The following DESI2 variants were observed in gnomAD, a reference collection of about 807,000 sequenced individuals.
DESI2 encodes the protein desumoylating isopeptidase 2.
DESI2 carries 10 observed loss-of-function variants against 24.1 expected under a neutral mutation model. The observed-to-expected ratio is 0.41, with a 90% confidence interval of 0.26 to 0.70. The LOEUF (loss-of-function observed/expected upper bound fraction) is 0.70. Ranked by LOEUF, DESI2 falls within the 30% of genes least tolerant of loss-of-function variation. The pLI is 0.29. For synonymous variants in DESI2, 71 were observed against 87.7 expected (o/e 0.81, Z 1.06); for missense variants, 122 against 234.9 (o/e 0.52, Z 3.14).
In DESI2 at chr1:244,653,225, C is replaced by A; in HGVS notation, c.-89C>A. 7.4e-7 allele frequency: 1 copy of A among 1,359,274 alleles called. No individual in the cohort carries two copies. The highest frequency in any genetic ancestry group is 9.7e-7 in the Non-Finnish European group (1 of 1,031,582). The allele number at this position is 1,359,274 out of a possible 1,614,324, so 84.2% of individuals were successfully genotyped here. ...TGTACGCTTAGTGCCCGGCTCAGGC[C>A]CCCTGAAGCGCCCGCGGGGGTGAGA... is the stretch of plus-strand genomic sequence containing the variant. On this transcript the variant is annotated 5_prime_UTR_variant, in exon 1 of 5. Transcript: ENST00000302550.
chr1:244,673,740 A>G (rs1303459685), intron 1 of DESI2, among the ~76,000 whole-genome samples: 1 of 152,148 alleles, frequency 6.6e-6, no homozygotes, highest in African/African-American at 2.4e-5. Flanking sequence ...GACCATGTCT[A>G]ATAATAAAAA....
chr1:244,690,145 G>A (rs968156935), intron 3 of DESI2, among the ~76,000 whole-genome samples: 5 of 152,126 alleles, frequency 3.3e-5, no homozygotes, highest in African/African-American at 1.2e-4. Flanking sequence ...AGGTATCCAT[G>A]TGTCATGTTG....
Position 244,705,832 on chromosome 1 carries a change from A to AT in DESI2, c.*43_*44insT. The AT allele has an allele frequency of 1.4e-6, 2 of 1,398,168 alleles. No homozygotes were observed. The highest frequency in any genetic ancestry group is 2.0e-6 in the Non-Finnish European group (2 of 1,007,002). 86.6% of individuals were successfully genotyped at this position (1,398,168 alleles called of 1,614,324 possible). ...CATTCAGAACTGTCTCTGGCAGTCG[A>AT]ATATCACTAGAGAAAAGTAAACAGA... On this transcript the variant is annotated 3_prime_UTR_variant, in exon 5 of 5. Transcript: ENST00000302550.
chr1:244,674,648 A>C (rs1005275339), intron 1 of DESI2, among the ~76,000 whole-genome samples: 2 of 152,132 alleles, frequency 1.3e-5, no homozygotes, highest in African/African-American at 4.8e-5. Flanking sequence ...ACCTGGCATA[A>C]TGTTTTCAAG....
At chr1:244,701,811 C>G (rs1677477131) in intron 4 of DESI2, among the ~76,000 whole-genome samples, 1 of 152,114 alleles carries the variant, frequency 6.6e-6, no homozygotes, top group Non-Finnish European at 1.5e-5. Context: ...TTCCTCACTT[C>G]TTTTTTTAGC....
At chr1:244,699,482 T>C (rs1400550743) in intron 4 of DESI2, among the ~76,000 whole-genome samples, 3 of 145,414 alleles carry the variant, frequency 2.1e-5, no homozygotes. Context: ...CTCGGGAGGC[T>C]GAGGCAGGAG....
chr1:244,691,005 C>T (rs1336125169), intron 3 of DESI2, among the ~76,000 whole-genome samples: 1 of 152,306 alleles, frequency 6.6e-6, no homozygotes, highest in African/African-American at 2.4e-5. Context: ...TTTCAGGTTC[C>T]TTGGATGCCT....
At chr1:244,696,965 A>T (rs1347432781) in intron 4 of DESI2, among the ~76,000 whole-genome samples, 1 of 152,150 alleles carries the variant, frequency 6.6e-6, no homozygotes, top group Non-Finnish European at 1.5e-5. Flanking sequence ...CATTTCATAT[A>T]TGTTGTCACA....
chr1:244,704,868 C>A (rs890264428), intron 4 of DESI2, among the ~76,000 whole-genome samples: 1 of 152,150 alleles, frequency 6.6e-6, no homozygotes, highest in Non-Finnish European at 1.5e-5. Flanking sequence ...CCATACTGGC[C>A]AGGCTGGTCT....
Position 244,707,489 on chromosome 1 carries a change from G to C in DESI2, c.*1700G>C, listed in dbSNP as rs1481333691. ...TTTCAAGAGGTTTGACAGAAGAAAG[G>C]AATATATGAACTTAATGAGATGTCG... On this transcript the variant is annotated 3_prime_UTR_variant, in exon 5 of 5. Transcript: ENST00000302550. 6.6e-6 allele frequency: 1 copy of C among 152,568 alleles called. No homozygotes were observed. Among genetic ancestry groups the C allele is most frequent in the Non-Finnish European group, 1.5e-5 (1 of 68,034 alleles). The allele number at this position is 152,568 out of a possible 1,614,324, so 9.5% of individuals were successfully genotyped here. A position where few individuals can be genotyped will look rare whatever the true frequency, so the allele number is the denominator to read the frequency against.
chr1:244,699,531 G>A (rs1388446319), intron 4 of DESI2, among the ~76,000 whole-genome samples: 1 of 136,342 alleles, frequency 7.3e-6, no homozygotes, highest in East Asian at 2.3e-4. Context: ...GCAGGGAGCC[G>A]AGATTGTGCC....
rs914734884 is a variant in DESI2 at position 244,689,943 on chromosome 1, ATAAT to A, written c.209+605_209+608del. On this transcript the variant is annotated intron_variant, in intron 3 of 4. Coordinates refer to ENST00000302550, the MANE Select transcript of DESI2 (RefSeq NM_016076.5). The surrounding 1 kb of genome is among the most constrained non-coding windows in gnomAD (Gnocchi z 4.0). Reference sequence around the variant, plus strand: ...GAAAGGGACACTTTACACGTTTGAAATAATTAAACAGTTGATTAGCGTAGAATCC... The same window carrying A: ...GAAAGGGACACTTTACACGTTTGAAATAAACAGTTGATTAGCGTAGAATCC... Among the ~76,000 whole-genome samples, 1 of 152,262 alleles carries A rather than the reference ATAAT, an allele frequency of 6.6e-6. No individual in the cohort carries two copies. The highest frequency in any genetic ancestry group is 2.4e-5 in the African/African-American group (1 of 41,462).
At chr1:244,702,794 C>CT (rs1677522618) in intron 4 of DESI2, among the ~76,000 whole-genome samples, 5 of 152,082 alleles carry the variant, frequency 3.3e-5, no homozygotes, top group African/African-American at 1.2e-4. Flanking sequence ...TCACCTGTAG[C>CT]ACATGGATAT....
chr1:244,694,821 T>C (rs1677154950), intron 4 of DESI2: 1 of 533,280 alleles, frequency 1.9e-6, no homozygotes. Context: ...CCGGCTGCAG[T>C]GGCAGAGTTG....
intron 1 of DESI2, chr1:244,653,563 G>C: frequency 1.8e-6 from 1 of 550,372 alleles, no homozygotes; most frequent in Non-Finnish European, 3.1e-6. Context: ...CAGCCCGAGG[G>C]TTTTGGCCAA....
intron 1 of DESI2, among the ~76,000 whole-genome samples, chr1:244,686,325 C>G (rs1034197345): frequency 6.6e-6 from 1 of 151,824 alleles, no homozygotes; most frequent in Admixed American, 6.6e-5. Context: ...TCTCTCCCCC[C>G]ACCGCCCCAC....
At chr1:244,705,089 G>A (rs912396588) in intron 4 of DESI2, among the ~76,000 whole-genome samples, 4 of 152,166 alleles carry the variant, frequency 2.6e-5, no homozygotes, top group African/African-American at 9.7e-5. Flanking sequence ...TGGAGTGATA[G>A]ACACTGGAGA....
chr1:244,681,957 G>A (rs778438997), intron 1 of DESI2, among the ~76,000 whole-genome samples: 1 of 152,144 alleles, frequency 6.6e-6, no homozygotes, highest in Non-Finnish European at 1.5e-5. Context: ...CTTAAAGATG[G>A]TGTGTCTGGA....
intron 4 of DESI2, among the ~76,000 whole-genome samples, chr1:244,692,530 G>A (rs543579092): frequency 2.0e-4 from 31 of 152,190 alleles, no homozygotes; most frequent in African/African-American, 6.0e-4. Context: ...AGAAAATGGA[G>A]GAAAGAAATT....
Sources: gnomAD v4.1 joint callset for allele counts (sites outside exome capture counted in the v4.1 genomes callset) on GRCh38, gnomAD v4.1.1 for gene constraint, Gnocchi (gnomAD v3.1) non-coding constraint, MANE v1.5 for transcripts, NCBI Gene and HGNC (gene_info 2026-07-23, HGNC 2026-07-21) for gene names.